Variants in OXR1 observed in about 807,000 individuals in gnomAD.
OXR1 encodes oxidation resistance protein 1.
Under a neutral mutation model 104.6 loss-of-function variants are expected in OXR1, and 41 were observed. That is an observed-to-expected ratio of 0.39 (90% confidence interval 0.31 to 0.51). The LOEUF is 0.51. Ranked by LOEUF, OXR1 falls within the 20% of genes least tolerant of loss-of-function variation. The pLI is 0.77. For missense variants in OXR1, 955 were observed against 1,031.9 expected, an observed-to-expected ratio of 0.93 and a Z score of 1.02; for synonymous variants, 348 against 348.4, an observed-to-expected ratio of 1.00 and a Z score of 0.01.
At chr8:106,560,044 A>G (rs1355446501) in intron 3 of OXR1, among the ~76,000 whole-genome samples, 5 of 152,194 alleles carry the variant, frequency 3.3e-5, no homozygotes, top group Non-Finnish European at 7.3e-5. Flanking sequence ...ACCCCATTTC[A>G]AAAGACATCA....
intron 3 of OXR1, among the ~76,000 whole-genome samples, chr8:106,577,218 G>GTT (rs375844927): frequency 2.8e-5 from 4 of 143,500 alleles, no homozygotes; most frequent in African/African-American, 1.0e-4. Context: ...TTTGTTTTTT[G>GTT]TTTTTTTTTT....
Position 106,737,620 on chromosome 8 carries a change from A to C in OXR1, c.2037+20A>C, listed in dbSNP as rs1252920884. 1 of 1,146,662 alleles carries C rather than the reference A, an allele frequency of 8.7e-7. No homozygotes were observed. Among genetic ancestry groups the C allele is most frequent in the South Asian group, 2.0e-5 (1 of 49,328 alleles). The allele number at this position is 1,146,662 out of a possible 1,614,324, so 71.0% of individuals were successfully genotyped here. ...CTCCAGGTGCCCCCTTCAGTAGTTT[A>C]AACCCCTCCAGAGACTAAATACTCC... On this transcript the variant is annotated intron_variant, in intron 12 of 16. Transcript: ENST00000517566.
At chr8:106,377,344 C>A (rs1333734573) in intron 2 of OXR1, among the ~76,000 whole-genome samples, 1 of 151,674 alleles carries the variant, frequency 6.6e-6, no homozygotes, top group Non-Finnish European at 1.5e-5. Context: ...ACCACACTTG[C>A]CTAATTTAAA....
At chr8:106,466,363 G>A (rs1255619856) in intron 2 of OXR1, among the ~76,000 whole-genome samples, 1 of 151,768 alleles carries the variant, frequency 6.6e-6, no homozygotes, top group Non-Finnish European at 1.5e-5. Context: ...TTTGTGGGGA[G>A]AGTGTGGCAG....
chr8:106,710,938 T>C, intron 10 of OXR1, 148 bp downstream of exon 10: 2 of 466,932 alleles, frequency 4.3e-6, no homozygotes, highest in Non-Finnish European at 3.5e-6. Flanking sequence ...ATTTTGCCCC[T>C]ACTTTATAAT....
chr8:106,564,055 A>C (rs1816888804), intron 3 of OXR1, among the ~76,000 whole-genome samples: 1 of 152,184 alleles, frequency 6.6e-6, no homozygotes, highest in Non-Finnish European at 1.5e-5. Flanking sequence ...TTGAATCGAC[A>C]TCCTAAGATC....
intron 2 of OXR1, among the ~76,000 whole-genome samples, chr8:106,487,470 T>G (rs1159762332): frequency 6.6e-6 from 1 of 151,828 alleles, no homozygotes; most frequent in Non-Finnish European, 1.5e-5. Flanking sequence ...ATGTGCACAT[T>G]GTGCAGGTTA....
intron 15 of OXR1, 88 bp from the exon 16 acceptor site, chr8:106,745,700 CT>C: frequency 1.7e-6 from 1 of 605,858 alleles, no homozygotes; most frequent in Non-Finnish European, 2.9e-6. Flanking sequence ...CCAGTCTTGG[CT>C]TTGTTAACTC....
intron 15 of OXR1, among the ~76,000 whole-genome samples, chr8:106,744,437 A>G (rs1371137996): frequency 6.6e-6 from 1 of 152,186 alleles, no homozygotes; most frequent in Non-Finnish European, 1.5e-5. Flanking sequence ...GATGGCACCA[A>G]ACACAAATTA....
chr8:106,580,841 C>T lies in OXR1; in HGVS notation c.220+61702C>T, dbSNP rs1254305866. 1.6e-5 allele frequency: 4 copies of T among 247,626 alleles called. No individual in the cohort carries two copies. The East Asian group carries it at 5.4e-4, about 33-fold the overall frequency. 15.3% of individuals were successfully genotyped at this position (247,626 alleles called of 1,614,324 possible). On this transcript the variant is annotated intron_variant, in intron 3 of 16. Transcript: ENST00000517566. Reference sequence around the variant, plus strand: ...AGCTAATATTTTGTGAGCAAAAATGCAGGGCCAATATATTTAAATATTATC... The same window carrying T: ...AGCTAATATTTTGTGAGCAAAAATGTAGGGCCAATATATTTAAATATTATC...
At position 106,683,240 on chromosome 8, in the gene OXR1, T is replaced by C; in HGVS notation, c.345T>C (p.Phe115=). The change falls in exon 5 of 17, where the codon TTT becomes TTC. Residue 115 remains phenylalanine, a synonymous_variant. Transcript: ENST00000517566. ...RDSLNSIALK[F]DTTPNELVQL... Reference sequence around the variant, plus strand: ...CTTTGAATAGCATAGCCCTGAAGTTTGATACAACACCTAACGAACTTGTTC... The same window carrying C: ...CTTTGAATAGCATAGCCCTGAAGTTCGATACAACACCTAACGAACTTGTTC... The C allele has an allele frequency of 6.2e-7, 1 of 1,605,608 alleles. No homozygotes were observed.
At position 106,411,780 on chromosome 8, in the gene OXR1, A is replaced by G. The variant is rs538344951; in HGVS notation, c.23+52144A>G. Among the ~76,000 whole-genome samples, 5 of 152,246 alleles carry G rather than the reference A, an allele frequency of 3.3e-5. No individual in the cohort carries two copies. In the East Asian group the frequency reaches 9.7e-4, roughly 29 times the overall value. On this transcript the variant is annotated intron_variant, in intron 2 of 16. Transcript: ENST00000517566. ...AGGCTACTGCCTCTGAACCTTTGTG[A>G]TTAAACCATACCACCTTAGATATGG...
intron 15 of OXR1, among the ~76,000 whole-genome samples, chr8:106,744,903 C>T (rs1040322627): frequency 1.4e-4 from 21 of 152,156 alleles, no homozygotes; most frequent in Non-Finnish European, 2.6e-4. Flanking sequence ...TTAACTAGCT[C>T]ACCAGAATAA....
chr8:106,364,312 G>T (rs1306450357), intron 2 of OXR1, among the ~76,000 whole-genome samples: 2 of 152,126 alleles, frequency 1.3e-5, no homozygotes, highest in Non-Finnish European at 2.9e-5. Context: ...GGGTGCAGTG[G>T]CTCACGCCTG....
intron 11 of OXR1, among the ~76,000 whole-genome samples, chr8:106,715,836 G>A (rs750134576): frequency 1.6e-4 from 24 of 152,018 alleles, no homozygotes; most frequent in Admixed American, 5.2e-4. Context: ...AATTTCTAAA[G>A]GAAAAATAAA....
At chr8:106,466,559 A>G (rs1242030938) in intron 2 of OXR1, among the ~76,000 whole-genome samples, 1 of 151,896 alleles carries the variant, frequency 6.6e-6, no homozygotes, top group Non-Finnish European at 1.5e-5. Context: ...TTAATTTATA[A>G]GAATGTAATG....
At chr8:106,631,303 A>T (rs1822666712) in intron 3 of OXR1, among the ~76,000 whole-genome samples, 2 of 152,230 alleles carry the variant, frequency 1.3e-5, no homozygotes, top group South Asian at 4.1e-4. Context: ...GATAAACGTA[A>T]GTATTACATT....
intron 3 of OXR1, among the ~76,000 whole-genome samples, chr8:106,671,433 A>G (rs1226229003): frequency 6.6e-6 from 1 of 152,142 alleles, no homozygotes; most frequent in East Asian, 1.9e-4. Flanking sequence ...ACTGTTTCAT[A>G]TATCTTGGCA....
chr8:106,647,125 G>T (rs1824150954), intron 3 of OXR1, among the ~76,000 whole-genome samples: 1 of 152,186 alleles, frequency 6.6e-6, no homozygotes, highest in Non-Finnish European at 1.5e-5. Flanking sequence ...TGCTATTGCT[G>T]AGTCCTTGTT....
Sources: gnomAD v4.1 joint callset for allele counts (sites outside exome capture counted in the v4.1 genomes callset) on GRCh38, gnomAD v4.1.1 for gene constraint, MANE v1.5 for transcripts, NCBI Gene and HGNC (gene_info 2026-07-23, HGNC 2026-07-21) for gene names.